Variants in LRCH3 observed in about 807,000 individuals in gnomAD.
LRCH3 encodes the protein leucine rich repeats and calponin homology domain containing 3, also known as DISP complex protein LRCH3.
LRCH3 carries 68 observed loss-of-function variants against 104.5 expected under a neutral mutation model. The ratio of observed to expected loss-of-function variants is 0.65; its 90% CI spans 0.54 to 0.80. The LOEUF (loss-of-function observed/expected upper bound fraction) is 0.80, where lower values mean the gene tolerates loss of function less well. LRCH3 is among the 30% of genes least tolerant of loss of function. LRCH3 has a pLI of 0.00. For synonymous variants in LRCH3, 344 were observed against 361.3 expected, an observed-to-expected ratio of 0.95 and a Z score of 0.54; for missense variants, 951 against 953.9, an observed-to-expected ratio of 1.00 and a Z score of 0.04.
intron 15 of LRCH3, among the ~76,000 whole-genome samples, chr3:197,863,341 C>T (rs564401237): frequency 6.6e-6 from 1 of 152,280 alleles, no homozygotes; most frequent in East Asian, 1.9e-4. Flanking sequence ...CGGCTCACTG[C>T]AACCTCCGCC....
chr3:197,857,011 G>A (rs898155171), intron 14 of LRCH3, among the ~76,000 whole-genome samples: 2 of 152,040 alleles, frequency 1.3e-5, no homozygotes, highest in Non-Finnish European at 2.9e-5. Flanking sequence ...CATTGTCTTC[G>A]GGCTGCCCCT....
At chr3:197,850,994 A>G in intron 12 of LRCH3, 1 of 776,060 alleles carries the variant, frequency 1.3e-6, no homozygotes, top group South Asian at 1.3e-5. Context: ...GAAAGAGCCC[A>G]TTTTTTCTTT....
chr3:197,848,056 ACTGG>A (rs1428248568), intron 12 of LRCH3, 35 bp downstream of exon 12: 2 of 1,610,426 alleles, frequency 1.2e-6, no homozygotes, highest in Non-Finnish European at 1.7e-6. Flanking sequence ...CAAGCTGCTG[ACTGG>A]CTAAGTGCTT....
At chr3:197,882,407 TTAAA>T (rs1303935270) in intron 20 of LRCH3, 51 of 975,460 alleles carry the variant, frequency 5.2e-5, no homozygotes, top group Non-Finnish European at 5.4e-5. Context: ...AAAATAAGTA[TTAAA>T]TAAAAAGTAA....
In LRCH3 at chr3:197,825,843, T is replaced by G. The variant is rs1366829190; in HGVS notation, c.641-1035T>G. Among the ~76,000 whole-genome samples, 6 of 152,282 alleles carry G rather than the reference T, an allele frequency of 3.9e-5. No homozygotes were observed. In the East Asian group the frequency reaches 1.2e-3, roughly 29 times the overall value. On this transcript the variant is annotated intron_variant, in intron 4 of 20. Coordinates refer to ENST00000425562, the MANE Select transcript of LRCH3 (RefSeq NM_001365715.1). Reference sequence around the variant, plus strand: ...TTTGTGTTACCTTATGGTAAAATAGTTCCAACCATTCTTATGAATTTTTAA... The same window carrying G: ...TTTGTGTTACCTTATGGTAAAATAGGTCCAACCATTCTTATGAATTTTTAA...
At chr3:197,806,728 A>T (rs1248985697) in intron 1 of LRCH3, among the ~76,000 whole-genome samples, 1 of 146,516 alleles carries the variant, frequency 6.8e-6, no homozygotes, top group African/African-American at 2.5e-5. Flanking sequence ...AAAATACAAA[A>T]TTAGTTTGGT....
At chr3:197,877,810 T>TA (rs752547454) in intron 20 of LRCH3, among the ~76,000 whole-genome samples, 1 of 152,200 alleles carries the variant, frequency 6.6e-6, no homozygotes, top group East Asian at 1.9e-4. Context: ...GAAATTTACA[T>TA]AAAGTGGTAG....
chr3:197,859,502 G>T (rs2109455677), intron 15 of LRCH3: 1 of 152,316 alleles, frequency 6.6e-6, no homozygotes, highest in African/African-American at 2.4e-5. Context: ...CTTTTTATCA[G>T]CAATAATGTC....
chr3:197,859,477 A>T (rs368271266), intron 15 of LRCH3: 1 of 152,332 alleles, frequency 6.6e-6, no homozygotes, highest in Admixed American at 6.5e-5. Flanking sequence ...TAAGAAAAAA[A>T]ATCGCAAACC....
In LRCH3 at chr3:197,856,965, T is replaced by G. The variant is rs190040819; in HGVS notation, c.1645-1869T>G. ...AGACCTTGAAACTTACGATTTGAAA[T>G]GAAGATTTATAACAGCTAATATCAG... is the stretch of plus-strand genomic sequence containing the variant. On this transcript the variant is annotated intron_variant, in intron 14 of 20. Transcript: ENST00000425562. The surrounding 1 kb of genome is among the most constrained non-coding windows in gnomAD (Gnocchi z 4.2). 2.4e-4 allele frequency among the ~76,000 whole-genome samples: 37 copies of G among 152,384 alleles called. No homozygotes were observed. Among genetic ancestry groups the G allele is most frequent in the Non-Finnish European group, 4.9e-4 (33 of 68,040 alleles).
At chr3:197,832,426 T>G in intron 8 of LRCH3, 109 bp downstream of exon 8, 1 of 1,079,372 alleles carries the variant, frequency 9.3e-7, no homozygotes, top group African/African-American at 1.6e-5. Flanking sequence ...TTCTTCACTC[T>G]TCTTTTAAAG....
intron 1 of LRCH3, among the ~76,000 whole-genome samples, chr3:197,806,735 T>C (rs1297311823): frequency 1.3e-5 from 2 of 149,192 alleles, no homozygotes; most frequent in Admixed American, 6.7e-5. Flanking sequence ...AAAATTAGTT[T>C]GGTGTGGAGT....
rs1223921867 is a variant in LRCH3 at position 197,791,350 on chromosome 3, C to T, written c.72C>T (p.Asn24=). The T allele has an allele frequency of 8.1e-6, 13 of 1,606,656 alleles. No individual in the cohort carries two copies. Among genetic ancestry groups the T allele is most frequent in the African/African-American group, 1.3e-5 (1 of 74,526 alleles). ...EYSGTVASGG[N]LPGVHCGPSS... is the part of the protein sequence containing the mutation. ...CTGGCACGGTAGCGTCGGGAGGTAA[C>T]CTCCCTGGTGTTCACTGCGGCCCAA... is the stretch of plus-strand genomic sequence containing the variant. Residue 24 remains asparagine, a synonymous_variant, in exon 1 of 21, where the codon AAC becomes AAT. Transcript: ENST00000425562.
intron 17 of LRCH3, among the ~76,000 whole-genome samples, chr3:197,868,854 A>G (rs1364833368): frequency 6.6e-6 from 1 of 152,228 alleles, no homozygotes; most frequent in Non-Finnish European, 1.5e-5. Flanking sequence ...GGCAAGGAGC[A>G]TGGAAGGGGC....
chr3:197,851,132 A>G (rs1055968359), intron 12 of LRCH3, among the ~76,000 whole-genome samples: 2 of 152,186 alleles, frequency 1.3e-5, no homozygotes, highest in Non-Finnish European at 2.9e-5. Context: ...CTGTGAGCAC[A>G]GTCTATGCTG....
rs570005206 is a variant in LRCH3, at chr3:197,879,377, TG to T, written c.2208+3604del. Among the ~76,000 whole-genome samples the T allele has an allele frequency of 1.2e-3, 181 of 152,280 alleles. 1 individual carries two copies. Among genetic ancestry groups the T allele is most frequent in the Non-Finnish European group, 2.0e-3 (138 of 68,022 alleles). ...ATAGACACCCCCTGGCCGGGCGCGG[TG>T]GCTCACGCCTGTAATCCCAGCACTT... On this transcript the variant is annotated intron_variant, in intron 20 of 20. Coordinates refer to ENST00000425562, the MANE Select transcript of LRCH3 (RefSeq NM_001365715.1).
At chr3:197,802,995 A>G (rs1732066152) in intron 1 of LRCH3, among the ~76,000 whole-genome samples, 2 of 152,158 alleles carry the variant, frequency 1.3e-5, no homozygotes, top group African/African-American at 4.8e-5. Context: ...AGCATTCAGA[A>G]CTTTTAAAAT....
At chr3:197,803,986 G>A (rs947664401) in intron 1 of LRCH3, among the ~76,000 whole-genome samples, 3 of 152,158 alleles carry the variant, frequency 2.0e-5, no homozygotes, top group Non-Finnish European at 4.4e-5. Context: ...GACCGGGTGT[G>A]GTGGCTCACG....
Position 197,883,437 on chromosome 3 carries a change from TTGA to T in LRCH3, c.2209-99_2209-97del. 1.4e-6 allele frequency: 2 copies of T among 1,413,604 alleles called. No individual in the cohort carries two copies. Among genetic ancestry groups the T allele is most frequent in the Non-Finnish European group, 1.9e-6 (2 of 1,074,584 alleles). The allele number at this position is 1,413,604 out of a possible 1,614,324, so 87.6% of individuals were successfully genotyped here. ...CCAGGTACTAATTTTCATATCTAAG[TTGA>T]TGATTGTGAAGGGGAGAAGTGCTTA... On this transcript the variant is annotated intron_variant, in intron 20 of 20. Transcript: ENST00000425562. This position sits in a 1 kb window ranked among gnomAD's most constrained non-coding sequence, Gnocchi z 4.2.
Sources: gnomAD v4.1 joint callset for allele counts (sites outside exome capture counted in the v4.1 genomes callset) on GRCh38, gnomAD v4.1.1 for gene constraint, Gnocchi (gnomAD v3.1) non-coding constraint, MANE v1.5 for transcripts, NCBI Gene and HGNC (gene_info 2026-07-23, HGNC 2026-07-21) for gene names.